UGCG: variants seen among roughly 807,000 people sequenced by gnomAD.
UGCG encodes UDP-glucose ceramide glucosyltransferase.
UGCG carries 10 observed loss-of-function variants against 49.5 expected under a neutral mutation model. The observed-to-expected ratio is 0.20, with a 90% CI of 0.12 to 0.34. The LOEUF is 0.34. Ranked by LOEUF, UGCG falls within the 10% of genes least tolerant of loss-of-function variation. The pLI, the probability that UGCG is intolerant of heterozygous loss-of-function variation, is 1.00. For synonymous variants in UGCG, 182 were observed against 158.2 expected, an observed-to-expected ratio of 1.15 and a Z score of -1.13; for missense variants, 312 against 483.7, an observed-to-expected ratio of 0.65 and a Z score of 3.33.
At chr9:111,928,838 T>C (rs1490713617) in intron 5 of UGCG, among the ~76,000 whole-genome samples, 1 of 152,184 alleles carries the variant, frequency 6.6e-6, no homozygotes, top group Non-Finnish European at 1.5e-5. Context: ...TTTTCTACCA[T>C]TGATTTATCA....
At position 111,933,898 on chromosome 9, in the gene UGCG, TG is replaced by T. The variant is rs1434765510; in HGVS notation, c.*902del. The T allele has an allele frequency of 6.6e-6, 1 of 152,184 alleles. No individual in the cohort carries two copies. Among genetic ancestry groups the T allele is most frequent in the African/African-American group, 2.4e-5 (1 of 41,444 alleles). The allele number at this position is 152,184 out of a possible 1,614,324, so 9.4% of individuals were successfully genotyped here. A position where few individuals can be genotyped will look rare whatever the true frequency, so the allele number is the denominator to read the frequency against. ...TTCATTTTAGTGTGAGTGGATGTTTTGATAGTTGTAAGGAAAAAATGCATTT... is the reference window on the plus strand; with the variant it reads ...TTCATTTTAGTGTGAGTGGATGTTTTATAGTTGTAAGGAAAAAATGCATTT... On this transcript the variant is annotated 3_prime_UTR_variant, in exon 9 of 9. Transcript: ENST00000374279.
intron 5 of UGCG, among the ~76,000 whole-genome samples, chr9:111,926,805 A>T (rs1224331759): frequency 1.5e-5 from 2 of 131,948 alleles, no homozygotes; most frequent in Non-Finnish European, 3.2e-5. Flanking sequence ...TCAGTTCTTT[A>T]TATTGTTCTT....
chr9:111,926,257 A>G (rs1689931690), intron 4 of UGCG, 127 bp from the exon 5 acceptor site: 1 of 561,650 alleles, frequency 1.8e-6, no homozygotes, highest in South Asian at 2.9e-5. Flanking sequence ...TTAGATCCAT[A>G]TGTTTAAAAT....
chr9:111,916,972 C>A (rs1838124042), intron 2 of UGCG, among the ~76,000 whole-genome samples: 3 of 151,244 alleles, frequency 2.0e-5, no homozygotes, highest in African/African-American at 7.3e-5. Context: ...CAGTGAGACC[C>A]CCACCTTCAA....
chr9:111,928,823 A>G (rs962219585), intron 5 of UGCG, among the ~76,000 whole-genome samples: 3 of 152,220 alleles, frequency 2.0e-5, no homozygotes, highest in African/African-American at 7.2e-5. Flanking sequence ...GGGTAATAAC[A>G]GTCCTTTTCT....
chr9:111,911,355 T>C (rs1837991383), intron 1 of UGCG, among the ~76,000 whole-genome samples: 1 of 152,188 alleles, frequency 6.6e-6, no homozygotes, highest in Non-Finnish European at 1.5e-5. Flanking sequence ...TAAAACATGC[T>C]TTTACTACAC....
intron 7 of UGCG, 138 bp from the exon 8 acceptor site, chr9:111,932,032 A>AC (rs1838434886): frequency 1.1e-6 from 1 of 948,628 alleles, no homozygotes; most frequent in Non-Finnish European, 1.5e-6. Context: ...GTAAAAAAAA[A>AC]AAAACAAAAC....
At chr9:111,923,544 A>G (rs1027162697) in intron 3 of UGCG, among the ~76,000 whole-genome samples, 1 of 152,222 alleles carries the variant, frequency 6.6e-6, no homozygotes, top group African/African-American at 2.4e-5. Flanking sequence ...CAGGACCATT[A>G]CAAATCTATC....
At chr9:111,921,856 G>T (rs1445578382) in intron 2 of UGCG, among the ~76,000 whole-genome samples, 1 of 114,002 alleles carries the variant, frequency 8.8e-6, no homozygotes, top group Non-Finnish European at 1.6e-5. Flanking sequence ...TGTTTCCCAG[G>T]CTGAAATGTA....
chr9:111,916,976 C>T (rs1462664206), intron 2 of UGCG, among the ~76,000 whole-genome samples: 1 of 151,300 alleles, frequency 6.6e-6, no homozygotes, highest in African/African-American at 2.4e-5. Context: ...GAGACCCCCA[C>T]CTTCAAAAAA....
intron 2 of UGCG, among the ~76,000 whole-genome samples, chr9:111,921,639 A>G (rs1838222518): frequency 7.4e-6 from 1 of 135,858 alleles, no homozygotes; most frequent in Admixed American, 7.9e-5. Flanking sequence ...TGACAGTGAG[A>G]CTCTGTCTCA....
At chr9:111,922,805 A>AT (rs759241482) in intron 2 of UGCG, 44 bp from the exon 3 acceptor site, 23 of 1,467,494 alleles carry the variant, frequency 1.6e-5, no homozygotes, top group Non-Finnish European at 2.1e-5. Context: ...GTAAGTGCTT[A>AT]TTTTTTTAAA....
chr9:111,914,786 GT>G lies in UGCG; in HGVS notation c.240+44del. ...ACGGTTTTTTGTTTTGTTTTGTTTTGTTTTGTTCCCCTCATGATAAACATTT... is the reference window on the plus strand; with the variant it reads ...ACGGTTTTTTGTTTTGTTTTGTTTTGTTTGTTCCCCTCATGATAAACATTT... On this transcript the variant is annotated intron_variant, in intron 2 of 8. Coordinates refer to ENST00000374279, the MANE Select transcript of UGCG (RefSeq NM_003358.3). 3 of 1,608,842 alleles carry G rather than the reference GT, an allele frequency of 1.9e-6. No individual in the cohort carries two copies. In the South Asian group the frequency reaches 3.3e-5, roughly 18 times the overall value.
intron 1 of UGCG, among the ~76,000 whole-genome samples, chr9:111,905,880 C>T (rs10981151): frequency 0.012 from 1,755 of 152,300 alleles, 44 homozygotes; most frequent in African/African-American, 0.04. Flanking sequence ...TATCTCTAGG[C>T]TAACCTTACC....
chr9:111,923,983 G>A (rs977026271), intron 3 of UGCG, among the ~76,000 whole-genome samples: 1 of 151,956 alleles, frequency 6.6e-6, no homozygotes, highest in Admixed American at 6.6e-5. Flanking sequence ...ATAGAGATGG[G>A]GTTTCGCCAT....
chr9:111,915,433 C>T (rs576602570), intron 2 of UGCG, among the ~76,000 whole-genome samples: 2 of 152,292 alleles, frequency 1.3e-5, no homozygotes, highest in East Asian at 1.9e-4. Flanking sequence ...TTGTACTTAG[C>T]TTTACAGCAG....
intron 1 of UGCG, among the ~76,000 whole-genome samples, chr9:111,898,288 TG>T (rs35791118): frequency 6.6e-6 from 1 of 152,030 alleles, no homozygotes; most frequent in Non-Finnish European, 1.5e-5. Flanking sequence ...ATTTTTAGTC[TG>T]GGGGGAGAAA....
intron 3 of UGCG, among the ~76,000 whole-genome samples, chr9:111,924,040 G>C (rs894611655): frequency 3.3e-5 from 5 of 151,984 alleles, no homozygotes; most frequent in African/African-American, 9.7e-5. Context: ...CACCCCCCTC[G>C]ACCTCCCAAA....
At position 111,928,552 on chromosome 9, in the gene UGCG, A is replaced by G. The variant is rs539889882; in HGVS notation, c.559-948A>G. Among the ~76,000 whole-genome samples, 4 of 152,312 alleles carry G rather than the reference A, an allele frequency of 2.6e-5. No individual in the cohort carries two copies. In the South Asian group the frequency reaches 8.3e-4, roughly 32 times the overall value. ...CTAACATCTCATTCCTAAGACCTCA[A>G]TAACTACTAAGGAATTAAGATATGT... On this transcript the variant is annotated intron_variant, in intron 5 of 8. Coordinates refer to ENST00000374279, the MANE Select transcript of UGCG (RefSeq NM_003358.3).
Sources: allele counts gnomAD v4.1 joint callset (sites outside exome capture counted in the v4.1 genomes callset), GRCh38; gene constraint gnomAD v4.1.1; transcripts MANE v1.5; gene names NCBI Gene and HGNC (gene_info 2026-07-23, HGNC 2026-07-21).